Variants in PARD3 observed in about 807,000 individuals in gnomAD.
PARD3 encodes the protein partitioning defective 3 homolog.
PARD3 carries 75 observed loss-of-function variants against 155.4 expected under a neutral mutation model. The ratio of observed to expected loss-of-function variants is 0.48; its 90% confidence interval spans 0.40 to 0.58. The LOEUF (loss-of-function observed/expected upper bound fraction) is 0.58. PARD3 is among the 20% of genes least tolerant of loss of function. PARD3 has a pLI of 0.00. For missense variants in PARD3, 1,642 were observed against 1,721.7 expected (o/e 0.95, Z 0.82); for synonymous variants, 576 against 610.5 (o/e 0.94, Z 0.83).
intron 22 of PARD3, among the ~76,000 whole-genome samples, chr10:34,262,147 A>C (rs1255492537): frequency 6.6e-6 from 1 of 152,206 alleles, no homozygotes; most frequent in Non-Finnish European, 1.5e-5. Flanking sequence ...ACATCTACTG[A>C]ATCAAAATAT....
chr10:34,762,996 A>T (rs1837644786), intron 1 of PARD3, among the ~76,000 whole-genome samples: 1 of 152,226 alleles, frequency 6.6e-6, no homozygotes, highest in South Asian at 2.1e-4. Flanking sequence ...CAGTGGGGGC[A>T]CTGAGGGACA....
chr10:34,349,880 C>T (rs1837855571), intron 14 of PARD3, among the ~76,000 whole-genome samples: 1 of 152,112 alleles, frequency 6.6e-6, no homozygotes, highest in South Asian at 2.1e-4. Flanking sequence ...TCCCAAAAGG[C>T]TATTTTAAAA....
chr10:34,619,672 G>A (rs1037158527), intron 2 of PARD3, among the ~76,000 whole-genome samples: 8 of 152,146 alleles, frequency 5.3e-5, no homozygotes, highest in African/African-American at 1.7e-4. Context: ...GAAACAGTAG[G>A]TGCTCAAATA....
At chr10:34,746,689 A>G (rs1302675512) in intron 1 of PARD3, among the ~76,000 whole-genome samples, 2 of 151,860 alleles carry the variant, frequency 1.3e-5, no homozygotes, top group African/African-American at 4.9e-5. Flanking sequence ...GACGCTCAAA[A>G]AAGCAGCTAT....
intron 1 of PARD3, among the ~76,000 whole-genome samples, chr10:34,741,661 A>G (rs1011479658): frequency 3.3e-5 from 5 of 151,222 alleles, no homozygotes; most frequent in African/African-American, 1.2e-4. Context: ...CAGCACAAAA[A>G]CTCTTCCCAT....
At chr10:34,238,106 T>A (rs963690780) in intron 22 of PARD3, among the ~76,000 whole-genome samples, 4 of 152,230 alleles carry the variant, frequency 2.6e-5, no homozygotes, top group African/African-American at 9.6e-5. Context: ...ATTATTAAAA[T>A]AAATGCATAT....
At chr10:34,308,813 A>G (rs1041996956) in intron 20 of PARD3, among the ~76,000 whole-genome samples, 1 of 152,140 alleles carries the variant, frequency 6.6e-6, no homozygotes, top group African/African-American at 2.4e-5. Context: ...GTGTTACCAA[A>G]AAGAGAAAAC....
At chr10:34,438,968 G>A (rs944847192) in intron 5 of PARD3, among the ~76,000 whole-genome samples, 1 of 152,124 alleles carries the variant, frequency 6.6e-6, no homozygotes, top group Admixed American at 6.5e-5. Context: ...GACTGGGGTT[G>A]GTTGAGTCTA....
At chr10:34,702,546 G>C (rs1201388976) in intron 1 of PARD3, among the ~76,000 whole-genome samples, 1 of 152,132 alleles carries the variant, frequency 6.6e-6, no homozygotes, top group African/African-American at 2.4e-5. Context: ...TGAGAAACTA[G>C]AGGAGGAACA....
intron 1 of PARD3, among the ~76,000 whole-genome samples, chr10:34,716,585 C>CT (rs34751073): frequency 0.016 from 1,200 of 73,192 alleles, 43 homozygotes; most frequent in Middle Eastern, 0.041. Context: ...GATGGCTTTT[C>CT]TTTTTTTTTT....
At chr10:34,647,541 C>G (rs1049758521) in intron 2 of PARD3, among the ~76,000 whole-genome samples, 1 of 152,248 alleles carries the variant, frequency 6.6e-6, no homozygotes, top group African/African-American at 2.4e-5. Context: ...AAATCTGTCA[C>G]AGTTTATATT....
intron 22 of PARD3, among the ~76,000 whole-genome samples, chr10:34,221,056 T>A (rs1301847634): frequency 1.3e-5 from 2 of 152,172 alleles, no homozygotes; most frequent in Non-Finnish European, 2.9e-5. Context: ...GGGTGAAACA[T>A]CTGCTATGAG....
At chr10:34,607,160 C>A (rs541171346) in intron 2 of PARD3, among the ~76,000 whole-genome samples, 1 of 152,148 alleles carries the variant, frequency 6.6e-6, no homozygotes, top group South Asian at 2.1e-4. Flanking sequence ...TTACAGATTT[C>A]GAAACTGACA....
intron 7 of PARD3, among the ~76,000 whole-genome samples, chr10:34,397,684 C>T (rs897404834): frequency 2.6e-5 from 4 of 152,122 alleles, no homozygotes; most frequent in African/African-American, 4.8e-5. Context: ...GTTCACTTTA[C>T]CCTAATATCC....
At chr10:34,300,880 A>T (rs1957115089) in intron 20 of PARD3, among the ~76,000 whole-genome samples, 2 of 152,224 alleles carry the variant, frequency 1.3e-5, no homozygotes, top group African/African-American at 4.8e-5. Context: ...GTCTCTCACC[A>T]TGGAGGGTAA....
intron 5 of PARD3, among the ~76,000 whole-genome samples, chr10:34,430,750 T>G (rs1386213117): frequency 6.6e-6 from 1 of 152,186 alleles, no homozygotes; most frequent in East Asian, 1.9e-4. Flanking sequence ...AACAACTGCA[T>G]AAGGAAGAAA....
rs2133916472 is a variant in PARD3 at position 34,746,094 on chromosome 10, T to C, written c.121-49675A>G. ...TCCAGCCTGGGCGACAGAGCAAGAC[T>C]CCATCTCAAAAAACAAAAAAGAAAA... On this transcript the variant is annotated intron_variant, in intron 1 of 24. Transcript: ENST00000374788. Among the ~76,000 whole-genome samples, 4 of 151,228 alleles carry C rather than the reference T, an allele frequency of 2.6e-5. No individual in the cohort carries two copies. The Middle Eastern group carries it at 0.014, about 518-fold the overall frequency.
At chr10:34,438,897 T>C (rs973442228) in intron 5 of PARD3, among the ~76,000 whole-genome samples, 3 of 152,074 alleles carry the variant, frequency 2.0e-5, no homozygotes, top group Non-Finnish European at 4.4e-5. Context: ...ACCAAGTGTG[T>C]GAACTGTGAG....
intron 20 of PARD3, among the ~76,000 whole-genome samples, chr10:34,302,430 C>A (rs1450227868): frequency 1.3e-5 from 2 of 152,124 alleles, no homozygotes; most frequent in Non-Finnish European, 2.9e-5. Flanking sequence ...CACTTCACAA[C>A]TGAAAAAAGT....
Sources: gnomAD v4.1 joint callset for allele counts (sites outside exome capture counted in the v4.1 genomes callset) on GRCh38, gnomAD v4.1.1 for gene constraint, MANE v1.5 for transcripts, NCBI Gene and HGNC (gene_info 2026-07-23, HGNC 2026-07-21) for gene names.